The following TENM3 variants were observed in gnomAD, a reference collection of about 807,000 sequenced individuals.
TENM3 encodes teneurin-3.
Under a neutral mutation model 255.1 loss-of-function variants are expected in TENM3, and 63 were observed. The observed-to-expected ratio is 0.25, with a 90% CI of 0.20 to 0.30. The LOEUF is 0.30. Ranked by LOEUF, TENM3 falls within the 10% of genes least tolerant of loss-of-function variation. The pLI, the probability that TENM3 is intolerant of heterozygous loss-of-function variation, is 1.00. For synonymous variants in TENM3, 1,306 were observed against 1,322.3 expected (o/e 0.99, Z 0.27); for missense variants, 2,929 against 3,461.1 (o/e 0.85, Z 3.86).
rs200203346 is a variant in TENM3, at chr4:182,679,733, C to T, written c.1394C>T (p.Thr465Met). 272 of 1,613,638 alleles carry T rather than the reference C, an allele frequency of 1.7e-4. No homozygotes were observed. Among genetic ancestry groups the T allele is most frequent in the Non-Finnish European group, 2.1e-4 (245 of 1,179,904 alleles). ...AGAGAGCAGCGGAGCCTGCTTGAGACGGAGAGAGCCGGGCGGCAGGCGAGA... is the reference window on the plus strand; with the variant it reads ...AGAGAGCAGCGGAGCCTGCTTGAGATGGAGAGAGCCGGGCGGCAGGCGAGA... ...IAREQRSLLE[T>M]ERAGRQARSV... The change falls in exon 8 of 28, where the codon ACG becomes ATG. Residue 465 changes from threonine to methionine, a missense_variant. Coordinates refer to ENST00000511685, the MANE Select transcript of TENM3 (RefSeq NM_001080477.4).
intron 3 of TENM3, among the ~76,000 whole-genome samples, chr4:182,497,257 T>C (rs1735865535): frequency 6.6e-6 from 1 of 152,136 alleles, no homozygotes; most frequent in Non-Finnish European, 1.5e-5. Context: ...TTCACCATGT[T>C]GGCCAAGATG....
At chr4:181,633,440 G>A in the TENM3 span, among the ~76,000 whole-genome samples, 2 of 152,112 alleles carry the variant, frequency 1.3e-5, no homozygotes, top group African/African-American at 4.8e-5. Context: ...TTTATTTGTA[G>A]TCAGGTGCAA....
At chr4:182,027,712 C>T in the TENM3 span, among the ~76,000 whole-genome samples, 4 of 152,032 alleles carry the variant, frequency 2.6e-5, no homozygotes, top group South Asian at 4.1e-4. Flanking sequence ...TTTTAAGCAT[C>T]GGTTGAAATA....
chr4:182,125,899 TG>T, the TENM3 span, among the ~76,000 whole-genome samples: 3 of 152,028 alleles, frequency 2.0e-5, no homozygotes, highest in Non-Finnish European at 4.4e-5. Context: ...CAATGCAATT[TG>T]GGGGATTTGA....
chr4:181,751,645 C>T, the TENM3 span, among the ~76,000 whole-genome samples: 5 of 152,194 alleles, frequency 3.3e-5, no homozygotes, highest in South Asian at 2.1e-4. Context: ...CCTAGGGTAG[C>T]GGGCATGAGC....
intron 3 of TENM3, among the ~76,000 whole-genome samples, chr4:182,535,158 TG>T (rs1215231438): frequency 5.3e-5 from 8 of 152,184 alleles, no homozygotes; most frequent in Non-Finnish European, 1.0e-4. Flanking sequence ...TTTCCTTAGA[TG>T]ATTAGATCTG....
At chr4:182,263,038 C>T (rs990264297) in intron 1 of TENM3, among the ~76,000 whole-genome samples, 9 of 152,008 alleles carry the variant, frequency 5.9e-5, no homozygotes, top group African/African-American at 1.9e-4. Flanking sequence ...TTCTTTCTTG[C>T]GCGAGATCCA....
chr4:182,183,707 G>T (rs1752976234), intron 1 of TENM3, among the ~76,000 whole-genome samples: 1 of 152,062 alleles, frequency 6.6e-6, no homozygotes, highest in Non-Finnish European at 1.5e-5. Flanking sequence ...CCAAGTAGAA[G>T]CATACTAAGA....
the TENM3 span, among the ~76,000 whole-genome samples, chr4:182,059,276 C>T: frequency 6.6e-6 from 1 of 152,000 alleles, no homozygotes; most frequent in Admixed American, 6.5e-5. Context: ...ATGCTGGTTT[C>T]CTTAAGCTTT....
At chr4:181,968,865 C>A in the TENM3 span, among the ~76,000 whole-genome samples, 1 of 152,092 alleles carries the variant, frequency 6.6e-6, no homozygotes, top group African/African-American at 2.4e-5. Context: ...GGAATCATTA[C>A]ATACACACAT....
intron 11 of TENM3, among the ~76,000 whole-genome samples, chr4:182,686,496 T>C (rs565257751): frequency 6.6e-6 from 1 of 152,252 alleles, no homozygotes; most frequent in South Asian, 2.1e-4. Flanking sequence ...CTACCTCTTT[T>C]GTTGATGTGG....
chr4:181,959,004 C>T, the TENM3 span, among the ~76,000 whole-genome samples: 2 of 151,948 alleles, frequency 1.3e-5, no homozygotes, highest in Non-Finnish European at 2.9e-5. Context: ...TATAAAAATC[C>T]TTGAGGTGAA....
intron 3 of TENM3, among the ~76,000 whole-genome samples, chr4:182,397,398 T>TAAA (rs144177808): frequency 0.016 from 792 of 48,944 alleles, 38 homozygotes; most frequent in African/African-American, 0.02. Context: ...AGACTCCATC[T>TAAA]AAAAAAAAAA....
chr4:182,149,110 T>G (rs987544513), intron 1 of TENM3, among the ~76,000 whole-genome samples: 2 of 151,998 alleles, frequency 1.3e-5, no homozygotes, highest in Non-Finnish European at 2.9e-5. Context: ...GGAAAAAAAC[T>G]TGATAAGAAC....
At chr4:182,776,270 G>T (rs1194321372) in intron 24 of TENM3, among the ~76,000 whole-genome samples, 1 of 152,160 alleles carries the variant, frequency 6.6e-6, no homozygotes, top group African/African-American at 2.4e-5. Flanking sequence ...AAATCAGCCA[G>T]GCGTGGAGGT....
chr4:182,716,073 T>G (rs1322996406), intron 13 of TENM3, among the ~76,000 whole-genome samples: 1 of 152,186 alleles, frequency 6.6e-6, no homozygotes, highest in Non-Finnish European at 1.5e-5. Context: ...GCATTAATCC[T>G]CTCAAAACCA....
rs562779857 is a variant in TENM3, at chr4:182,307,811, T to G, written c.-75-16135T>G. Among the ~76,000 whole-genome samples the G allele has an allele frequency of 4.2e-4, 64 of 152,342 alleles. 1 individual carries two copies. The South Asian group carries it at 0.013, about 30-fold the overall frequency. On this transcript the variant is annotated intron_variant, in intron 1 of 27. Transcript: ENST00000511685. ...ACAATTTACTAGCTTACCTTGAAAG[T>G]GTGGTTTTTAACAGTTGTCTAGAAT...
At chr4:181,851,563 C>T in the TENM3 span, among the ~76,000 whole-genome samples, 14 of 152,278 alleles carry the variant, frequency 9.2e-5, no homozygotes, top group African/African-American at 2.4e-4. Context: ...CAACAGTGTG[C>T]GCATGTGTGC....
At chr4:181,799,383 C>T in the TENM3 span, among the ~76,000 whole-genome samples, 19 of 152,194 alleles carry the variant, frequency 1.2e-4, no homozygotes, top group Non-Finnish European at 2.2e-4. Context: ...CTATTGCTGT[C>T]AAATTTGCAA....
Sources: gnomAD v4.1 joint callset for allele counts (sites outside exome capture counted in the v4.1 genomes callset) on GRCh38, gnomAD v4.1.1 for gene constraint, MANE v1.5 for transcripts, NCBI Gene and HGNC (gene_info 2026-07-23, HGNC 2026-07-21) for gene names.